The following ARHGAP45 variants were observed in gnomAD, a reference collection of about 807,000 sequenced individuals.
The protein encoded by ARHGAP45 is Rho GTPase activating protein 45.
Under a neutral mutation model 116.1 loss-of-function variants are expected in ARHGAP45, and 56 were observed. The ratio of observed to expected loss-of-function variants is 0.48; its 90% CI spans 0.39 to 0.60. The LOEUF is 0.60. Ranked by LOEUF, ARHGAP45 falls within the 20% of genes least tolerant of loss-of-function variation. The probability of loss-of-function intolerance (pLI) is 0.00; values close to 1 mark genes in which losing one functional copy is unlikely to be tolerated. For synonymous variants in ARHGAP45, 866 were observed against 701.7 expected (o/e 1.23, Z -3.70); for missense variants, 1,622 against 1,601.0 (o/e 1.01, Z -0.22).
intron 10 of ARHGAP45, 78 bp from the exon 11 acceptor site, chr19:1,077,779 A>G (rs1489560641): frequency 6.5e-6 from 10 of 1,545,084 alleles, no homozygotes; most frequent in Non-Finnish European, 8.8e-6. Context: ...GGGGGTGGGG[A>G]GGAAAGGAGG....
intron 17 of ARHGAP45, 103 bp from the exon 18 acceptor site, chr19:1,081,447 G>A (rs1036655006): frequency 7.7e-6 from 9 of 1,172,510 alleles, no homozygotes; most frequent in East Asian, 2.7e-5. Context: ...AGAAGCTGCC[G>A]TGTGGGGGCT....
chr19:1,075,033 C>CT (rs926812905), intron 10 of ARHGAP45, among the ~76,000 whole-genome samples, 154 bp downstream of exon 10: 9 of 133,200 alleles, frequency 6.8e-5, no homozygotes, highest in Admixed American at 3.1e-4. Context: ...GGCCGCCCCC[C>CT]CCAACGCCAA....
intron 11 of ARHGAP45, 33 bp from the exon 12 acceptor site, chr19:1,079,670 G>A: frequency 6.2e-7 from 1 of 1,610,140 alleles, no homozygotes; most frequent in Non-Finnish European, 8.5e-7. Context: ...CCCGGGCTGA[G>A]GCCTCTCTCT....
intron 8 of ARHGAP45, 21 bp from the exon 9 acceptor site, chr19:1,074,593 G>C (rs575792246): frequency 6.5e-7 from 1 of 1,534,930 alleles, no homozygotes; most frequent in Admixed American, 2.0e-5. Context: ...CCCACCCAGT[G>C]AGCCGGTGCC....
At chr19:1,081,142 C>T in intron 17 of ARHGAP45, 78 bp downstream of exon 17, 2 of 1,459,500 alleles carry the variant, frequency 1.4e-6, no homozygotes, top group Non-Finnish European at 1.8e-6. Flanking sequence ...CCTGTGTGCC[C>T]TCAGGAATGT....
intron 2 of ARHGAP45, among the ~76,000 whole-genome samples, chr19:1,070,301 C>CT (rs1348735743): frequency 7.8e-6 from 1 of 127,520 alleles, no homozygotes; most frequent in Non-Finnish European, 1.7e-5. Flanking sequence ...CCGGGCTTTT[C>CT]TTTTTTTCTT....
chr19:1,085,635 CCCGCCATCTGTCTCCCT>C lies in ARHGAP45; in HGVS notation c.3065-24_3065-8del. 1 of 1,486,492 alleles carries C rather than the reference CCCGCCATCTGTCTCCCT, an allele frequency of 6.7e-7. No individual in the cohort carries two copies. The highest frequency in any genetic ancestry group is 9.1e-7 in the Non-Finnish European group (1 of 1,104,398). 92.1% of individuals were successfully genotyped at this position (1,486,492 alleles called of 1,614,324 possible). ...CCTCCATCTCTCCTGTCTGTCTCCC[CCCGCCATCTGTCTCCCT>C]TTCTTAGAATCCCGAGTTGTGTCCA... On this transcript the variant is annotated splice_region_variant and splice_polypyrimidine_tract_variant and intron_variant, in intron 22 of 22. Coordinates refer to ENST00000313093, the MANE Select transcript of ARHGAP45 (RefSeq NM_012292.5).
At position 1,086,015 on chromosome 19, in the gene ARHGAP45, G is replaced by C; in HGVS notation, c.*9G>C. On this transcript the variant is annotated 3_prime_UTR_variant, in exon 23 of 23. Transcript: ENST00000313093. Reference sequence around the variant, plus strand: ...AGCCGGAATTCGTGTGAGCTGGGGTGGGGCTGGGACCACAGGTGGCTTCTC... The same window carrying C: ...AGCCGGAATTCGTGTGAGCTGGGGTCGGGCTGGGACCACAGGTGGCTTCTC... 6.2e-7 allele frequency: 1 copy of C among 1,607,134 alleles called. No individual in the cohort carries two copies. Among genetic ancestry groups the C allele is most frequent in the Non-Finnish European group, 8.5e-7 (1 of 1,176,060 alleles).
At chr19:1,066,570 T>A, upstream of ARHGAP45, 1 of 183,980 alleles carries the variant, frequency 5.4e-6, no homozygotes, top group Non-Finnish European at 1.2e-5. Context: ...TGGGGACCCC[T>A]GTGCAGGCAG....
Position 1,079,864 on chromosome 19 carries a change from C to T in ARHGAP45, c.1512+24C>T, listed in dbSNP as rs369725357. 6.3e-6 allele frequency: 10 copies of T among 1,593,172 alleles called. No homozygotes were observed. In the African/African-American group the frequency reaches 9.4e-5, roughly 15 times the overall value. On this transcript the variant is annotated intron_variant, in intron 12 of 22. Transcript: ENST00000313093. ...CGGTGCGTGGGGTGCTCCGGCCGCC[C>T]GGGCGGGGATGGTGGACCGGGCGGC...
At chr19:1,067,068 T>G (rs1372978546), upstream of ARHGAP45, 1 of 676,634 alleles carries the variant, frequency 1.5e-6, no homozygotes, top group East Asian at 8.7e-5. Flanking sequence ...GGGCTCCCGG[T>G]CCCACCCCGC....
In ARHGAP45 at chr19:1,074,679, C is replaced by A. The variant is rs1951917228; in HGVS notation, c.1059C>A (p.Ser353Arg). The A allele has an allele frequency of 1.2e-6, 2 of 1,611,132 alleles. No homozygotes were observed. Among genetic ancestry groups the A allele is most frequent in the Non-Finnish European group, 1.7e-6 (2 of 1,179,458 alleles). The change falls in exon 9 of 23, where the codon AGC becomes AGA. Residue 353 changes from serine to arginine, a missense_variant. Physicochemically the swap from Ser to Arg is moderately radical, Grantham distance 110. Around this residue, in one of 3 missense-constraint regions of ARHGAP45, gnomAD observed 1,334 missense variants for 1,263.8 expected, o/e 1.06. Coordinates refer to ENST00000313093, the MANE Select transcript of ARHGAP45 (RefSeq NM_012292.5). ...AGCAGGACCTGGAGTTCGGCCACAG[C>A]ATGGTGCAGGCGGTGGGCACCTTGC... is the stretch of plus-strand genomic sequence containing the variant. ...ALEQDLEFGH[S>R]MVQAVGTLQT...
In ARHGAP45 at chr19:1,074,335, G is replaced by A. The variant is rs1415437621; in HGVS notation, c.929-8G>A. On this transcript the variant is annotated splice_polypyrimidine_tract_variant and splice_region_variant and intron_variant, in intron 7 of 22. Coordinates refer to ENST00000313093, the MANE Select transcript of ARHGAP45 (RefSeq NM_012292.5). ...TCCCAGCACCTCACACCCCTCTCCGGCCCGCAGAGATGGAGTTTGCCAAGG... is the reference window on the plus strand; with the variant it reads ...TCCCAGCACCTCACACCCCTCTCCGACCCGCAGAGATGGAGTTTGCCAAGG... 1.9e-6 allele frequency: 3 copies of A among 1,610,742 alleles called. No individual in the cohort carries two copies. Among genetic ancestry groups the A allele is most frequent in the Non-Finnish European group, 2.5e-6 (3 of 1,178,724 alleles).
chr19:1,067,121 G>T, upstream of ARHGAP45: 1 of 1,104,174 alleles, frequency 9.1e-7, no homozygotes. Flanking sequence ...AGCGGGGGGC[G>T]CGGCCCGGGG....
rs2043108088 is a variant in ARHGAP45 at position 1,069,918 on chromosome 19, G to A, written c.421+1174G>A. On this transcript the variant is annotated intron_variant, in intron 2 of 22. Coordinates refer to ENST00000313093, the MANE Select transcript of ARHGAP45 (RefSeq NM_012292.5). The surrounding 1 kb of genome is among the most constrained non-coding windows in gnomAD (Gnocchi z 4.1). ...TGTTACCTTGAACTCCTGGGCTCAAGCCATCCTCCTACCTCTGCCTCCCGA... is the reference window on the plus strand; with the variant it reads ...TGTTACCTTGAACTCCTGGGCTCAAACCATCCTCCTACCTCTGCCTCCCGA... Among the ~76,000 whole-genome samples, 3 of 151,454 alleles carry A rather than the reference G, an allele frequency of 2.0e-5. No individual in the cohort carries two copies. The highest frequency in any genetic ancestry group is 7.3e-5 in the African/African-American group (3 of 41,208).
rs776881538 is a variant in ARHGAP45, at chr19:1,078,019, C to A, written c.1348C>A (p.Arg450=). Residue 450 remains arginine, a synonymous_variant, in exon 11 of 23, where the codon CGG becomes AGG. Transcript: ENST00000313093. ...CACCAAGACCCTGGACAAGCGGCGG[C>A]GGCTGGAGGAGGAGGCCAAGAACAA... The part of the protein sequence containing the change: ...TATKTLDKRR[R]LEEEAKNKAE... 1 of 1,552,952 alleles carries A rather than the reference C, an allele frequency of 6.4e-7. No individual in the cohort carries two copies. Among genetic ancestry groups the A allele is most frequent in the East Asian group, 2.4e-5 (1 of 41,620 alleles).
chr19:1,080,924 G>C lies in ARHGAP45; in HGVS notation c.2050G>C (p.Val684Leu). The change falls in exon 17 of 23, where the codon GTG (valine) becomes CTG (leucine). Residue 684 changes from valine (V) to leucine (L), a missense_variant. Coordinates refer to ENST00000313093, the MANE Select transcript of ARHGAP45 (RefSeq NM_012292.5). ...CAACGGCATGACCCCCGAGCTGCCGGTGGCCGTGCCCAGTGGACCGTTCCG... is the reference window on the plus strand; with the variant it reads ...CAACGGCATGACCCCCGAGCTGCCGCTGGCCGTGCCCAGTGGACCGTTCCG... The part of the protein sequence containing the change: ...DLNGMTPELP[V>L]AVPSGPFRHE... The C allele has an allele frequency of 6.2e-7, 1 of 1,609,270 alleles. No individual in the cohort carries two copies. Among genetic ancestry groups the C allele is most frequent in the East Asian group, 2.2e-5 (1 of 44,762 alleles).
rs768624798 is a variant in ARHGAP45, at chr19:1,085,873, C to G, written c.3278C>G (p.Pro1093Arg). ...REDGDGDEDG[P>R]AQQLSGFNTN... is the part of the protein sequence containing the mutation. ...GACGGGGACGGGGACGAGGACGGCC[C>G]GGCCCAGCAGCTCTCAGGATTCAAC... The change falls in exon 23 of 23, where the codon CCG becomes CGG. Residue 1093 changes from proline to arginine, a missense_variant. By Grantham distance (103) the Pro-to-Arg change is moderately radical. Transcript: ENST00000313093. The G allele has an allele frequency of 1.2e-6, 2 of 1,610,358 alleles. No homozygotes were observed. The highest frequency in any genetic ancestry group is 1.4e-5 in the African/African-American group (1 of 73,114).
upstream of ARHGAP45, chr19:1,067,049 G>T: frequency 4.1e-6 from 2 of 482,600 alleles, no homozygotes; most frequent in Non-Finnish European, 5.5e-6. Flanking sequence ...GCCCGCCAGC[G>T]TCAGGCAGGG....
Sources: allele counts gnomAD v4.1 joint callset (sites outside exome capture counted in the v4.1 genomes callset), GRCh38; gene constraint gnomAD v4.1.1; regional missense constraint gnomAD v4.1.1; non-coding constraint Gnocchi (gnomAD v3.1); transcripts MANE v1.5; gene names NCBI Gene and HGNC (gene_info 2026-07-23, HGNC 2026-07-21).